Variants in FAM167A observed in about 807,000 individuals in gnomAD.
FAM167A encodes the protein family with sequence similarity 167 member A.
A neutral mutation model predicts 14.9 loss-of-function variants in FAM167A; 23 were observed. That is an observed-to-expected ratio of 1.55 (90% confidence interval 1.11 to 2.19). FAM167A has a LOEUF of 2.19. Ranked by LOEUF, FAM167A falls within the 30% of genes most tolerant of loss-of-function variation. The probability of loss-of-function intolerance (pLI) is 0.00; values close to 1 mark genes in which losing one functional copy is unlikely to be tolerated. For missense variants in FAM167A, 401 were observed against 281.5 expected (o/e 1.42, Z -3.04); for synonymous variants, 174 against 117.7 (o/e 1.48, Z -3.10).
At position 11,423,738 on chromosome 8, in the gene FAM167A, C is replaced by T. The variant is rs1293120893; in HGVS notation, c.*635G>A. 1 of 153,430 alleles carries T rather than the reference C, an allele frequency of 6.5e-6. No individual in the cohort carries two copies. The highest frequency in any genetic ancestry group is 1.4e-5 in the Non-Finnish European group (1 of 69,008). The allele number at this position is 153,430 out of a possible 1,614,324, so 9.5% of individuals were successfully genotyped here. On this transcript the variant is annotated 3_prime_UTR_variant, in exon 3 of 3. Transcript: ENST00000284486. ...CCCCCATCACATGTCCCAGCACACGCCAGAATTTACAATTTACACAGCCTT... is the reference window on the plus strand; with the variant it reads ...CCCCCATCACATGTCCCAGCACACGTCAGAATTTACAATTTACACAGCCTT...
intron 1 of FAM167A, among the ~76,000 whole-genome samples, chr8:11,450,383 A>G (rs1011454967): frequency 2.6e-5 from 4 of 152,212 alleles, no homozygotes; most frequent in Non-Finnish European, 4.4e-5. Flanking sequence ...AATCCTCACA[A>G]CAGCCCTATG....
chr8:11,424,645 G>C lies in FAM167A; in HGVS notation c.382-9C>G. The stretch of plus-strand genomic sequence containing the variant: ...TGCAGCCGCATCTCCGTCTGGAAGG[G>C]AGGGGGAGCAGGCAGGGTCAGCAGA... On this transcript the variant is annotated splice_polypyrimidine_tract_variant and intron_variant, in intron 2 of 2. Coordinates refer to ENST00000284486, the MANE Select transcript of FAM167A (RefSeq NM_053279.3). 1.2e-6 allele frequency: 2 copies of C among 1,612,872 alleles called. No individual in the cohort carries two copies. Among genetic ancestry groups the C allele is most frequent in the Non-Finnish European group, 1.7e-6 (2 of 1,179,518 alleles).
chr8:11,469,208 A>G (rs1391322643), upstream of FAM167A, among the ~76,000 whole-genome samples: 1 of 152,252 alleles, frequency 6.6e-6, no homozygotes, highest in African/African-American at 2.4e-5. Context: ...AAAGATTGGA[A>G]GAGTGTATGC....
In FAM167A at chr8:11,422,099, A is replaced by G. The variant is rs1427111509; in HGVS notation, c.*2274T>C. The G allele has an allele frequency of 1.2e-5, 4 of 323,582 alleles. No individual in the cohort carries two copies. Among genetic ancestry groups the G allele is most frequent in the Non-Finnish European group, 2.2e-5 (4 of 179,330 alleles). 20.0% of individuals were successfully genotyped at this position (323,582 alleles called of 1,614,324 possible). ...AACTTATCCCCAAACATGTGTCTTG[A>G]TCTTAGTTTCCACCCAGAGAATGAA... is the stretch of plus-strand genomic sequence containing the variant. On this transcript the variant is annotated 3_prime_UTR_variant, in exon 3 of 3. Transcript: ENST00000284486.
At position 11,441,948 on chromosome 8, in the gene FAM167A, C is replaced by T. The variant is rs140797170; in HGVS notation, c.381+2083G>A. Among the ~76,000 whole-genome samples, 46 of 152,270 alleles carry T rather than the reference C, an allele frequency of 3.0e-4. 1 individual carries two copies. The East Asian group carries it at 8.1e-3, about 27-fold the overall frequency. Reference sequence around the variant, plus strand: ...AATTAGAAGAGGTGAGTAATGCCTGCGAAGTGCCTGGCATACAGGACACAC... The same window carrying T: ...AATTAGAAGAGGTGAGTAATGCCTGTGAAGTGCCTGGCATACAGGACACAC... On this transcript the variant is annotated intron_variant, in intron 2 of 2. Transcript: ENST00000284486.
chr8:11,445,058 T>G, intron 1 of FAM167A: 2 of 914,024 alleles, frequency 2.2e-6, no homozygotes, highest in Non-Finnish European at 2.6e-6. Flanking sequence ...ACTATCTTAT[T>G]TAATGCCCCC....
chr8:11,429,416 G>C (rs1035650675), intron 2 of FAM167A, among the ~76,000 whole-genome samples: 19 of 152,354 alleles, frequency 1.2e-4, no homozygotes, highest in Admixed American at 1.0e-3. Context: ...GGTCTGAGCT[G>C]GGACTGGAGT....
intron 1 of FAM167A, among the ~76,000 whole-genome samples, chr8:11,465,574 T>C (rs920384883): frequency 6.6e-6 from 1 of 152,158 alleles, no homozygotes; most frequent in African/African-American, 2.4e-5. Flanking sequence ...CCAAGCTCCT[T>C]AAAAACACGC....
intron 2 of FAM167A, among the ~76,000 whole-genome samples, chr8:11,429,174 A>T (rs760604801): frequency 5.9e-5 from 9 of 152,128 alleles, no homozygotes; most frequent in Non-Finnish European, 1.0e-4. Flanking sequence ...TGTCTGTATG[A>T]CTACTCTAAG....
At position 11,445,740 on chromosome 8, in the gene FAM167A, G is replaced by A. The variant is rs145484623; in HGVS notation, c.-397-932C>T. 2.1e-3 allele frequency among the ~76,000 whole-genome samples: 320 copies of A among 152,238 alleles called. 2 individuals carry two copies. Among genetic ancestry groups the A allele is most frequent in the African/African-American group, 7.5e-3 (313 of 41,532 alleles). On this transcript the variant is annotated intron_variant, in intron 1 of 2. Coordinates refer to ENST00000284486, the MANE Select transcript of FAM167A (RefSeq NM_053279.3). The stretch of plus-strand genomic sequence containing the variant: ...TCTGTGGTCCGAGGTCCATGGGGTG[G>A]GCAGTGGACATGGGTGAATCAGAGT...
intron 2 of FAM167A, among the ~76,000 whole-genome samples, chr8:11,425,948 C>G (rs1196257323): frequency 6.6e-6 from 1 of 152,194 alleles, no homozygotes. Context: ...CCTTCCCTTT[C>G]TAGGCCTTTC....
chr8:11,425,384 C>T (rs11780980), intron 2 of FAM167A, among the ~76,000 whole-genome samples: 20,383 of 152,142 alleles, frequency 0.13, 1,875 homozygotes, highest in Non-Finnish European at 0.21. Context: ...ATGAGGAAGC[C>T]GGACAGCTGG....
At chr8:11,456,720 G>T (rs1419543533) in intron 1 of FAM167A, among the ~76,000 whole-genome samples, 1 of 151,532 alleles carries the variant, frequency 6.6e-6, no homozygotes, top group Non-Finnish European at 1.5e-5. Context: ...TGTAGGTGTG[G>T]CTGGGTAAGA....
chr8:11,436,579 G>A (rs1185354989), intron 2 of FAM167A, among the ~76,000 whole-genome samples: 1 of 152,188 alleles, frequency 6.6e-6, no homozygotes, highest in African/African-American at 2.4e-5. Flanking sequence ...TCCCCTGCAC[G>A]GCCTTCTCAA....
intron 2 of FAM167A, chr8:11,435,144 C>T (rs567695284): frequency 6.6e-6 from 3 of 456,616 alleles, no homozygotes; most frequent in African/African-American, 2.0e-5. Flanking sequence ...CTCCAGCCTC[C>T]TCTCCCACTC....
At chr8:11,429,047 G>A (rs917706797) in intron 2 of FAM167A, among the ~76,000 whole-genome samples, 4 of 151,484 alleles carry the variant, frequency 2.6e-5, no homozygotes, top group African/African-American at 9.7e-5. Context: ...TCACGTTGTC[G>A]CGCAACCACC....
At position 11,423,386 on chromosome 8, in the gene FAM167A, A is replaced by G. The variant is rs546054648; in HGVS notation, c.*987T>C. ...GTTACTAACAAGTGAACAACACATC[A>G]GTAACAGTCTTATTAAAACTAGTTG... On this transcript the variant is annotated 3_prime_UTR_variant, in exon 3 of 3. Coordinates refer to ENST00000284486, the MANE Select transcript of FAM167A (RefSeq NM_053279.3). The G allele has an allele frequency of 3.3e-5, 5 of 152,764 alleles. No individual in the cohort carries two copies. The highest frequency in any genetic ancestry group is 1.2e-4 in the African/African-American group (5 of 41,570). The allele number at this position is 152,764 out of a possible 1,614,324, so 9.5% of individuals were successfully genotyped here. A position where few individuals can be genotyped will look rare whatever the true frequency, so the allele number is the denominator to read the frequency against.
At chr8:11,463,778 C>T (rs1807635908) in intron 1 of FAM167A, among the ~76,000 whole-genome samples, 2 of 152,308 alleles carry the variant, frequency 1.3e-5, no homozygotes, top group South Asian at 4.1e-4. Context: ...AGAAGGTGAA[C>T]CCTCATCCTC....
intron 2 of FAM167A, among the ~76,000 whole-genome samples, chr8:11,427,288 C>G (rs565386516): frequency 1.8e-4 from 27 of 152,264 alleles, no homozygotes; most frequent in African/African-American, 5.8e-4. Flanking sequence ...AGCTGGAGCT[C>G]AGAGGGCTGG....
Sources: allele counts gnomAD v4.1 joint callset (sites outside exome capture counted in the v4.1 genomes callset), GRCh38; gene constraint gnomAD v4.1.1; transcripts MANE v1.5; gene names NCBI Gene and HGNC (gene_info 2026-07-23, HGNC 2026-07-21).